The following CDH4 variants were observed in gnomAD, a reference collection of about 807,000 sequenced individuals.
CDH4 encodes the protein cadherin 4.
In CDH4, 33 loss-of-function variants were observed where a neutral mutation model predicts 86.0. The observed-to-expected ratio is 0.38, with a 90% CI of 0.29 to 0.51. The LOEUF is 0.51. Among genes scored for constraint, CDH4 ranks in the 20% least tolerant of loss-of-function variants. The pLI, the probability that CDH4 is intolerant of heterozygous loss-of-function variation, is 0.86. For synonymous variants in CDH4, 555 were observed against 549.4 expected (o/e 1.01, Z -0.14); for missense variants, 1,114 against 1,307.4 (o/e 0.85, Z 2.28).
At position 61,639,876 on chromosome 20, in the gene CDH4, C is replaced by A. The variant is rs2086987361; in HGVS notation, c.170-103687C>A. 2.0e-5 allele frequency among the ~76,000 whole-genome samples: 3 copies of A among 152,258 alleles called. No homozygotes were observed. In the South Asian group the frequency reaches 6.2e-4, roughly 32 times the overall value. ...AACAGAAAATTATCTGGCTATCTCA[C>A]AATGAAAATGCCCATCTTTGTCATC... On this transcript the variant is annotated intron_variant, in intron 2 of 15. Transcript: ENST00000614565.
intron 2 of CDH4, among the ~76,000 whole-genome samples, chr20:61,563,587 T>C (rs962410876): frequency 5.3e-5 from 8 of 152,228 alleles, no homozygotes; most frequent in African/African-American, 1.9e-4. Context: ...TTCCTTCCAC[T>C]ACCCGTGGAG....
chr20:61,323,374 G>C (rs570784843), intron 2 of CDH4, among the ~76,000 whole-genome samples: 3 of 152,148 alleles, frequency 2.0e-5, no homozygotes, highest in Non-Finnish European at 2.9e-5. Context: ...AGTCTTCATC[G>C]AGTGAGTGCT....
At position 61,278,546 on chromosome 20, in the gene CDH4, A is replaced by T. The variant is rs373655451; in HGVS notation, c.169+23609A>T. On this transcript the variant is annotated intron_variant, in intron 2 of 15. Transcript: ENST00000614565. ...TGGTGCAGCTGCCCCTTCTGCTCTG[A>T]GAGGCAGAGGCCCTCTTACGCCTGG... Among the ~76,000 whole-genome samples, 19 of 152,352 alleles carry T rather than the reference A, an allele frequency of 1.2e-4. No homozygotes were observed. The South Asian group carries it at 3.9e-3, about 32-fold the overall frequency.
At chr20:61,313,796 G>A (rs570817081) in intron 2 of CDH4, among the ~76,000 whole-genome samples, 1 of 152,320 alleles carries the variant, frequency 6.6e-6, no homozygotes, top group Admixed American at 6.5e-5. Context: ...GAGTGCAGTG[G>A]TGCAATCATA....
intron 2 of CDH4, among the ~76,000 whole-genome samples, chr20:61,307,665 A>C (rs1035768583): frequency 1.3e-5 from 2 of 152,160 alleles, no homozygotes; most frequent in African/African-American, 4.8e-5. Context: ...GATTGGCTGG[A>C]TATTGGGGAA....
At chr20:61,777,643 C>T (rs1432199096) in intron 4 of CDH4, among the ~76,000 whole-genome samples, 1 of 148,298 alleles carries the variant, frequency 6.7e-6, no homozygotes, top group African/African-American at 2.5e-5. Context: ...CACACGTCTA[C>T]ACACGCACAC....
intron 12 of CDH4, among the ~76,000 whole-genome samples, chr20:61,929,087 CTCT>C (rs1241717417): frequency 1.3e-5 from 2 of 151,386 alleles, no homozygotes; most frequent in African/African-American, 2.4e-5. Flanking sequence ...TTTGGTAAAA[CTCT>C]TTATATATTC....
chr20:61,554,771 G>A (rs779797410), intron 2 of CDH4, among the ~76,000 whole-genome samples: 14 of 152,268 alleles, frequency 9.2e-5, no homozygotes, highest in African/African-American at 1.9e-4. Flanking sequence ...GTGCATATGT[G>A]CATGGTGTGA....
At chr20:61,278,789 T>C (rs996001538) in intron 2 of CDH4, among the ~76,000 whole-genome samples, 1 of 152,038 alleles carries the variant, frequency 6.6e-6, no homozygotes, top group African/African-American at 2.4e-5. Context: ...GGGAGCCCAG[T>C]GGATAGAGGA....
rs1174335668 is a variant in CDH4, at chr20:61,626,962, A to AG, written c.170-116599dup. 3.9e-5 allele frequency among the ~76,000 whole-genome samples: 6 copies of AG among 152,106 alleles called. No homozygotes were observed. In the East Asian group the frequency reaches 7.8e-4, roughly 20 times the overall value. Reference sequence around the variant, plus strand: ...TTCAGAATCCTCTTCCGAATCCTGTAGGAGGGCGGACCCTACCCTGGCTCA... The same window carrying AG: ...TTCAGAATCCTCTTCCGAATCCTGTAGGGAGGGCGGACCCTACCCTGGCTCA... On this transcript the variant is annotated intron_variant, in intron 2 of 15. Coordinates refer to ENST00000614565, the MANE Select transcript of CDH4 (RefSeq NM_001794.5).
intron 2 of CDH4, among the ~76,000 whole-genome samples, chr20:61,673,661 G>A (rs1012735890): frequency 1.3e-5 from 2 of 152,242 alleles, no homozygotes; most frequent in African/African-American, 4.8e-5. Flanking sequence ...TGGCAGGCTG[G>A]GGAGGGTCTG....
chr20:61,786,156 C>T (rs958150746), intron 4 of CDH4, among the ~76,000 whole-genome samples: 8 of 152,236 alleles, frequency 5.3e-5, no homozygotes, highest in African/African-American at 1.4e-4. Flanking sequence ...GAAAGTTGGA[C>T]CCCCCGTTCA....
At chr20:61,785,169 G>A (rs148773553) in intron 4 of CDH4, among the ~76,000 whole-genome samples, 69 of 152,262 alleles carry the variant, frequency 4.5e-4, no homozygotes, top group African/African-American at 1.6e-3. Flanking sequence ...TCTCTGCCAC[G>A]ATAGGACCCC....
intron 2 of CDH4, among the ~76,000 whole-genome samples, chr20:61,642,511 G>A (rs1414999813): frequency 6.6e-6 from 1 of 152,208 alleles, no homozygotes; most frequent in Non-Finnish European, 1.5e-5. Context: ...ATCTGCAGGC[G>A]AGAACTTGGG....
chr20:61,382,575 A>T (rs1403687428), intron 2 of CDH4, among the ~76,000 whole-genome samples: 1 of 152,194 alleles, frequency 6.6e-6, no homozygotes, highest in Non-Finnish European at 1.5e-5. Flanking sequence ...TTAAAACCAC[A>T]GGGACTTATC....
intron 2 of CDH4, among the ~76,000 whole-genome samples, chr20:61,369,390 G>C (rs1208876435): frequency 1.4e-5 from 2 of 142,844 alleles, no homozygotes; most frequent in Non-Finnish European, 3.0e-5. Flanking sequence ...GGTGGAGGTT[G>C]CAGTGAGCCA....
intron 2 of CDH4, among the ~76,000 whole-genome samples, chr20:61,537,436 G>A (rs2145650315): frequency 6.6e-6 from 1 of 152,296 alleles, no homozygotes; most frequent in East Asian, 1.9e-4. Context: ...CAGGTCATCA[G>A]GGAGGCCCAG....
At chr20:61,853,003 T>G (rs1301525708) in intron 6 of CDH4, 105 bp downstream of exon 6, 1 of 1,235,536 alleles carries the variant, frequency 8.1e-7, no homozygotes, top group African/African-American at 1.5e-5. Context: ...ACCAGGATGG[T>G]GCCACGGGAC....
chr20:61,400,507 C>G (rs2085043632), intron 2 of CDH4, among the ~76,000 whole-genome samples: 1 of 152,208 alleles, frequency 6.6e-6, no homozygotes, highest in Non-Finnish European at 1.5e-5. Context: ...CCCTAAATCT[C>G]AGGACTACTG....
Sources: gnomAD v4.1 joint callset for allele counts (sites outside exome capture counted in the v4.1 genomes callset) on GRCh38, gnomAD v4.1.1 for gene constraint, MANE v1.5 for transcripts, NCBI Gene and HGNC (gene_info 2026-07-23, HGNC 2026-07-21) for gene names.